CDH18: variants seen among roughly 807,000 people sequenced by gnomAD.
CDH18 encodes the protein cadherin-18.
CDH18 carries 31 observed loss-of-function variants against 67.9 expected under a neutral mutation model. The observed-to-expected ratio is 0.46, with a 90% CI of 0.34 to 0.62. CDH18 has a LOEUF of 0.62. CDH18 is among the 20% of genes least tolerant of loss of function. The pLI, the probability that CDH18 is intolerant of heterozygous loss-of-function variation, is 0.01. For synonymous variants in CDH18, 362 were observed against 347.2 expected, an observed-to-expected ratio of 1.04 and a Z score of -0.48; for missense variants, 890 against 975.5, an observed-to-expected ratio of 0.91 and a Z score of 1.17.
intron 10 of CDH18, among the ~76,000 whole-genome samples, chr5:19,511,421 TG>T (rs1213659111): frequency 6.6e-6 from 1 of 152,066 alleles, no homozygotes; most frequent in Non-Finnish European, 1.5e-5. Flanking sequence ...AGGCAGAGGT[TG>T]GAACAGTTTG....
At chr5:20,306,503 G>T (rs973403770) in intron 1 of CDH18, among the ~76,000 whole-genome samples, 5 of 138,474 alleles carry the variant, frequency 3.6e-5, no homozygotes, top group Non-Finnish European at 8.3e-5. Flanking sequence ...ATACTCTGCC[G>T]ATAGGATTTG....
chr5:20,557,967 TA>T (rs1320503991), intron 1 of CDH18, among the ~76,000 whole-genome samples: 1,409 of 51,984 alleles, frequency 0.027, 35 homozygotes, highest in Non-Finnish European at 0.03. Flanking sequence ...TATAGTTATA[TA>T]ACATTAAATG....
At chr5:19,599,027 AT>A (rs543248622) in intron 6 of CDH18, among the ~76,000 whole-genome samples, 34 of 152,238 alleles carry the variant, frequency 2.2e-4, no homozygotes, top group African/African-American at 7.2e-4. Context: ...CACTAAAATA[AT>A]TTTTTTAAAA....
intron 2 of CDH18, among the ~76,000 whole-genome samples, chr5:19,993,354 C>G (rs932852392): frequency 7.2e-5 from 11 of 152,042 alleles, no homozygotes; most frequent in African/African-American, 2.4e-4. Context: ...TTAATAATAG[C>G]AAAGCACCAC....
At chr5:19,924,178 A>T (rs78793366) in intron 2 of CDH18, among the ~76,000 whole-genome samples, 2 of 5,530 alleles carry the variant, frequency 3.6e-4, no homozygotes, top group East Asian at 7.4e-3. Flanking sequence ...GGCAACAATC[A>T]GGGGAGAGGT....
intron 1 of CDH18, among the ~76,000 whole-genome samples, chr5:20,354,752 A>AGAAATTTT (rs1420131766): frequency 6.6e-6 from 1 of 152,188 alleles, no homozygotes. Flanking sequence ...GCAAAGAATC[A>AGAAATTTT]GAAATTTTGT....
At chr5:20,376,091 A>ATTGTTTTTTTTTTTTTTTTTTTT (rs1743397011) in intron 1 of CDH18, among the ~76,000 whole-genome samples, 1 of 49,748 alleles carries the variant, frequency 2.0e-5, no homozygotes, top group Non-Finnish European at 3.8e-5. Flanking sequence ...AAAAGAAACA[A>ATTGTTTTTTTTTTTTTTTTTTTT]TTTTTTTTTT....
At chr5:19,741,714 G>C (rs1271223194) in intron 4 of CDH18, among the ~76,000 whole-genome samples, 1 of 152,106 alleles carries the variant, frequency 6.6e-6, no homozygotes, top group East Asian at 1.9e-4. Context: ...TATTCAATTT[G>C]TGTTTCTACT....
chr5:19,506,983 G>A (rs1347168878), intron 10 of CDH18, among the ~76,000 whole-genome samples: 1 of 152,232 alleles, frequency 6.6e-6, no homozygotes, highest in South Asian at 2.1e-4. Flanking sequence ...CAGAATGGGA[G>A]AAAATTTTTG....
chr5:19,646,548 T>A (rs1405238384), intron 5 of CDH18, among the ~76,000 whole-genome samples: 1 of 152,044 alleles, frequency 6.6e-6, no homozygotes, highest in Non-Finnish European at 1.5e-5. Flanking sequence ...CCATATTGGC[T>A]AGGCTGGTCT....
intron 6 of CDH18, among the ~76,000 whole-genome samples, chr5:19,592,037 T>C (rs1440197757): frequency 6.6e-6 from 1 of 152,066 alleles, no homozygotes; most frequent in Non-Finnish European, 1.5e-5. Flanking sequence ...ACCAATTTAT[T>C]CTTAGAACTC....
At chr5:19,859,317 T>C (rs565809491) in intron 2 of CDH18, among the ~76,000 whole-genome samples, 32 of 152,184 alleles carry the variant, frequency 2.1e-4, no homozygotes, top group African/African-American at 7.5e-4. Flanking sequence ...TTGGTAGCAA[T>C]AAAACACCAA....
At chr5:20,169,735 T>C (rs1004046948) in intron 2 of CDH18, among the ~76,000 whole-genome samples, 4 of 152,276 alleles carry the variant, frequency 2.6e-5, no homozygotes, top group East Asian at 3.9e-4. Context: ...AGACTCACTA[T>C]GATGTTAGCA....
At position 19,473,185 on chromosome 5, in the gene CDH18, A is replaced by T; in HGVS notation, c.*41T>A. 1 of 1,592,332 alleles carries T rather than the reference A, an allele frequency of 6.3e-7. No individual in the cohort carries two copies. The highest frequency in any genetic ancestry group is 1.1e-5 in the South Asian group (1 of 87,352). On this transcript the variant is annotated 3_prime_UTR_variant, in exon 13 of 13. Coordinates refer to ENST00000382275, the MANE Select transcript of CDH18 (RefSeq NM_004934.5). ...CATTGCTGAGGTTGTATATCCACTT[A>T]CTCAGGAAGCAAATTCCACAAGGTT...
intron 10 of CDH18, among the ~76,000 whole-genome samples, chr5:19,511,706 G>GTGTTCA (rs1176366568): frequency 1.8e-4 from 28 of 152,194 alleles, no homozygotes; most frequent in African/African-American, 6.7e-4. Flanking sequence ...TAATAGCAAA[G>GTGTTCA]AGCACCCTGG....
chr5:20,235,615 T>A (rs1742418214), intron 2 of CDH18, among the ~76,000 whole-genome samples: 1 of 151,856 alleles, frequency 6.6e-6, no homozygotes, highest in African/African-American at 2.4e-5. Context: ...GATTAAACAA[T>A]AAAAAAGGAA....
rs563407484 is a variant in CDH18 at position 20,487,368 on chromosome 5, A to G, written c.-580+88094T>C. On this transcript the variant is annotated intron_variant, in intron 1 of 14. Coordinates refer to the CDH18 transcript ENST00000507958. The stretch of plus-strand genomic sequence containing the variant: ...TATGTATAAACCTATATATATATAT[A>G]AACCTATATATGTATAAACCTATAT... 5.3e-5 allele frequency among the ~76,000 whole-genome samples: 8 copies of G among 149,748 alleles called. No individual in the cohort carries two copies. In the East Asian group the frequency reaches 1.6e-3, roughly 29 times the overall value.
chr5:20,540,539 T>C (rs1756996533), intron 1 of CDH18, among the ~76,000 whole-genome samples: 1 of 152,192 alleles, frequency 6.6e-6, no homozygotes, highest in Non-Finnish European at 1.5e-5. Flanking sequence ...TTTGTCCAAA[T>C]ACAGTGATAC....
At chr5:20,294,843 ATACATATACT>A (rs1250980629) in intron 1 of CDH18, among the ~76,000 whole-genome samples, 1 of 152,180 alleles carries the variant, frequency 6.6e-6, no homozygotes, top group Non-Finnish European at 1.5e-5. Context: ...ATATACACAC[ATACATATACT>A]TACATATATA....
Sources: allele counts gnomAD v4.1 joint callset (sites outside exome capture counted in the v4.1 genomes callset), GRCh38; gene constraint gnomAD v4.1.1; transcripts MANE v1.5; gene names NCBI Gene and HGNC (gene_info 2026-07-23, HGNC 2026-07-21).